Variants in PCDH11X observed in about 807,000 individuals in gnomAD.
The protein encoded by PCDH11X is protocadherin 11 X-linked.
In PCDH11X, 18 loss-of-function variants were observed where a neutral mutation model predicts 53.3. The ratio of observed to expected loss-of-function variants is 0.34; its 90% CI spans 0.23 to 0.50. PCDH11X has a LOEUF of 0.50. PCDH11X is among the 20% of genes least tolerant of loss of function. PCDH11X has a pLI of 0.98. For missense variants in PCDH11X, 570 were observed against 1,032.4 expected (o/e 0.55, Z 6.14); for synonymous variants, 279 against 393.3 (o/e 0.71, Z 3.44).
rs1046870229 is a variant in PCDH11X, at chrX:91,883,977, G to A, written c.3033+4704G>A. Reference sequence around the variant, plus strand: ...GGCCGAGGTGGGTGGATCACCTGAGGTCAGGAGTTCAAGACCAGTCTGGCC... The same window carrying A: ...GGCCGAGGTGGGTGGATCACCTGAGATCAGGAGTTCAAGACCAGTCTGGCC... On this transcript the variant is annotated intron_variant, in intron 6 of 10. Transcript: ENST00000682573. 788 of 629,745 alleles carry A rather than the reference G, an allele frequency of 1.3e-3. 1 individual carries two copies. The highest frequency in any genetic ancestry group is 2.8e-3 in the Admixed American group (30 of 10,851). The allele number at this position is 629,745 out of a possible 1,213,427, so 51.9% of individuals were successfully genotyped here.
chrX:92,525,978 T>C (rs1181659431), intron 10 of PCDH11X, among the ~76,000 whole-genome samples: 1 of 111,465 alleles, frequency 9.0e-6, no homozygotes, highest in Non-Finnish European at 1.9e-5. Context: ...AATTCAGTAC[T>C]TGGGCTCCAG....
At chrX:92,159,357 TGGA>T (rs1176182901) in intron 6 of PCDH11X, among the ~76,000 whole-genome samples, 3 of 107,493 alleles carry the variant, frequency 2.8e-5, no homozygotes, top group Non-Finnish European at 3.8e-5. Context: ...TTCTACATAG[TGGA>T]GAAGAATTCA....
intron 6 of PCDH11X, among the ~76,000 whole-genome samples, chrX:92,179,333 A>C (rs1471248342): frequency 4.4e-5 from 5 of 112,442 alleles, no homozygotes; most frequent in Non-Finnish European, 9.4e-5. Flanking sequence ...AAGGCAGAAA[A>C]CTTGAAGTTG....
At chrX:92,223,563 A>G (rs1288002232) in intron 7 of PCDH11X, among the ~76,000 whole-genome samples, 2 of 112,130 alleles carry the variant, frequency 1.8e-5, no homozygotes, top group Non-Finnish European at 3.8e-5. Context: ...AGCAACTGGT[A>G]TCCACCAAAA....
chrX:92,559,107 G>A (rs1341768873), intron 10 of PCDH11X, among the ~76,000 whole-genome samples: 2 of 110,958 alleles, frequency 1.8e-5, no homozygotes, highest in East Asian at 2.8e-4. Flanking sequence ...TAGATGTGTG[G>A]GAAGACATTT....
chrX:92,103,505 T>C (rs1025211063), intron 6 of PCDH11X, among the ~76,000 whole-genome samples: 4 of 111,425 alleles, frequency 3.6e-5, no homozygotes, highest in Non-Finnish European at 7.5e-5. Flanking sequence ...GCAGCATCAG[T>C]CTTCAGCCGG....
At chrX:92,156,831 A>G (rs756047995) in intron 6 of PCDH11X, among the ~76,000 whole-genome samples, 42 of 112,036 alleles carry the variant, frequency 3.7e-4, no homozygotes, top group African/African-American at 1.3e-3. Flanking sequence ...ATCACATACA[A>G]AGAATCACTT....
chrX:92,105,329 C>T (rs1461356908), intron 6 of PCDH11X, among the ~76,000 whole-genome samples: 1 of 110,710 alleles, frequency 9.0e-6, no homozygotes, highest in Non-Finnish European at 1.9e-5. Flanking sequence ...TTGGGCTGGT[C>T]GGTCTGAGGA....
intron 10 of PCDH11X, among the ~76,000 whole-genome samples, chrX:92,608,016 A>C: frequency 9.0e-6 from 1 of 110,907 alleles, no homozygotes; most frequent in East Asian, 2.8e-4. Flanking sequence ...TCTAATGGGG[A>C]GCTATTAGTC....
chrX:92,056,501 A>G (rs12836392), intron 6 of PCDH11X, among the ~76,000 whole-genome samples: 1 of 111,218 alleles, frequency 9.0e-6, no homozygotes, highest in Admixed American at 9.6e-5. Flanking sequence ...ACTCTTTGAT[A>G]GTTTCTTTTG....
intron 6 of PCDH11X, among the ~76,000 whole-genome samples, chrX:92,100,367 G>A (rs377452519): frequency 2.7e-5 from 3 of 110,442 alleles, no homozygotes; most frequent in African/African-American, 6.6e-5. Context: ...GGGTGGGGCC[G>A]TTTGATAGGA....
chrX:91,933,751 T>C (rs912447873), intron 6 of PCDH11X, among the ~76,000 whole-genome samples: 7 of 111,376 alleles, frequency 6.3e-5, no homozygotes, highest in African/African-American at 2.3e-4. Context: ...TGAATAACTA[T>C]TGCTAAATGG....
At chrX:92,014,543 C>T (rs1358349162) in intron 6 of PCDH11X, among the ~76,000 whole-genome samples, 1 of 109,061 alleles carries the variant, frequency 9.2e-6, no homozygotes, top group Non-Finnish European at 1.9e-5. Context: ...GGGTATATAC[C>T]CAAAGGGCTA....
At chrX:92,357,100 T>A (rs753998495) in intron 8 of PCDH11X, among the ~76,000 whole-genome samples, 6 of 92,210 alleles carry the variant, frequency 6.5e-5, no homozygotes, top group Admixed American at 1.2e-4. Context: ...TTTTTCTGAA[T>A]GAATCACCCA....
intron 6 of PCDH11X, chrX:91,883,673 C>T (rs1350393977): frequency 6.0e-6 from 3 of 496,354 alleles, no homozygotes; most frequent in Non-Finnish European, 4.9e-6. Flanking sequence ...GGCGTGGTGG[C>T]GGGCGCCTGT....
rs2061802839 is a variant in PCDH11X at position 91,962,519 on chromosome X, C to A, written c.3033+83246C>A. Among the ~76,000 whole-genome samples the A allele has an allele frequency of 6.2e-5, 7 of 112,303 alleles. No individual in the cohort carries two copies. In the South Asian group the frequency reaches 2.6e-3, roughly 41 times the overall value. ...AGGGTACAGCCCACCATCCTGGCTG[C>A]AATCACAGGATGGCAATGAGTGTCT... On this transcript the variant is annotated intron_variant, in intron 6 of 10. Coordinates refer to ENST00000682573, the MANE Select transcript of PCDH11X (RefSeq NM_032968.5).
chrX:92,215,775 T>C (rs1666181716), intron 7 of PCDH11X, among the ~76,000 whole-genome samples: 1 of 106,440 alleles, frequency 9.4e-6, no homozygotes, highest in African/African-American at 3.4e-5. Flanking sequence ...GACCCCTGAC[T>C]CCCGAGCAGC....
chrX:92,063,113 G>A (rs1452259077), intron 6 of PCDH11X, among the ~76,000 whole-genome samples: 1 of 105,317 alleles, frequency 9.5e-6, no homozygotes, highest in East Asian at 3.1e-4. Flanking sequence ...AACACCGCAT[G>A]TTCTCACTCA....
At chrX:91,964,573 G>A (rs2061838541) in intron 6 of PCDH11X, among the ~76,000 whole-genome samples, 1 of 112,339 alleles carries the variant, frequency 8.9e-6, no homozygotes. Flanking sequence ...CACTTAGGAA[G>A]AAAACCATGA....
Sources: gnomAD v4.1 joint callset for allele counts (sites outside exome capture counted in the v4.1 genomes callset) on GRCh38, gnomAD v4.1.1 for gene constraint, MANE v1.5 for transcripts, NCBI Gene and HGNC (gene_info 2026-07-23, HGNC 2026-07-21) for gene names.